ANTXR1: variants seen among roughly 807,000 people sequenced by gnomAD.
The protein encoded by ANTXR1 is ANTXR cell adhesion molecule 1, also known as anthrax toxin receptor 1.
Under a neutral mutation model 78.1 loss-of-function variants are expected in ANTXR1, and 19 were observed. The ratio of observed to expected loss-of-function variants is 0.24; its 90% confidence interval spans 0.17 to 0.36. The LOEUF (loss-of-function observed/expected upper bound fraction) is 0.36. ANTXR1 is among the 10% of genes least tolerant of loss of function. ANTXR1 has a pLI of 1.00. For synonymous variants in ANTXR1, 273 were observed against 260.5 expected (o/e 1.05, Z -0.46); for missense variants, 518 against 718.6 (o/e 0.72, Z 3.19).
intron 1 of ANTXR1, among the ~76,000 whole-genome samples, chr2:69,022,618 A>T (rs1256205013): frequency 6.6e-6 from 1 of 152,240 alleles, no homozygotes; most frequent in East Asian, 1.9e-4. Context: ...TTCTCAACCA[A>T]GGGCCAGATC....
At chr2:69,149,731 T>G (rs1215824676) in intron 12 of ANTXR1, among the ~76,000 whole-genome samples, 1 of 152,194 alleles carries the variant, frequency 6.6e-6, no homozygotes, top group African/African-American at 2.4e-5. Context: ...ATAGCTTACA[T>G]CATTTTATCC....
At chr2:69,162,314 T>TCTGCCTAAAG (rs1486746092) in intron 13 of ANTXR1, among the ~76,000 whole-genome samples, 3 of 152,204 alleles carry the variant, frequency 2.0e-5, no homozygotes, top group South Asian at 2.1e-4. Flanking sequence ...AATTGAGTCT[T>TCTGCCTAAAG]CTGCCTAAAG....
intron 2 of ANTXR1, among the ~76,000 whole-genome samples, chr2:69,042,367 C>G (rs1669638499): frequency 6.6e-6 from 1 of 152,198 alleles, no homozygotes. Flanking sequence ...AAGTTCCAAT[C>G]TACTCCTAAA....
At chr2:69,161,823 ACT>A (rs1429955796) in intron 13 of ANTXR1, among the ~76,000 whole-genome samples, 1 of 151,898 alleles carries the variant, frequency 6.6e-6, no homozygotes, top group East Asian at 1.9e-4. Context: ...TCTATACATA[ACT>A]CTGTTCTGGT....
intron 17 of ANTXR1, among the ~76,000 whole-genome samples, chr2:69,228,690 A>T (rs1675522484): frequency 6.6e-6 from 1 of 152,204 alleles, no homozygotes; most frequent in African/African-American, 2.4e-5. Context: ...ATTAGTATGA[A>T]ACTTTTCACT....
At chr2:69,136,215 G>C (rs1672906456) in intron 12 of ANTXR1, among the ~76,000 whole-genome samples, 1 of 152,142 alleles carries the variant, frequency 6.6e-6, no homozygotes, top group African/African-American at 2.4e-5. Context: ...GAATGAAACT[G>C]ATCAGTCACT....
At chr2:69,166,238 C>T (rs1228214330) in intron 13 of ANTXR1, among the ~76,000 whole-genome samples, 1 of 152,196 alleles carries the variant, frequency 6.6e-6, no homozygotes, top group Non-Finnish European at 1.5e-5. Context: ...TTTATCTATG[C>T]AATGATCGTC....
intron 1 of ANTXR1, among the ~76,000 whole-genome samples, chr2:69,025,271 G>C (rs895589364): frequency 1.1e-4 from 17 of 152,162 alleles, no homozygotes; most frequent in African/African-American, 3.9e-4. Context: ...ACTTTTCTAT[G>C]TTATTTCTTC....
At chr2:69,024,049 T>A (rs1207959608) in intron 1 of ANTXR1, among the ~76,000 whole-genome samples, 1 of 152,230 alleles carries the variant, frequency 6.6e-6, no homozygotes, top group Admixed American at 6.5e-5. Flanking sequence ...AATACATATC[T>A]ATCATCTATG....
intron 3 of ANTXR1, among the ~76,000 whole-genome samples, chr2:69,045,451 A>G (rs927462301): frequency 9.9e-5 from 15 of 152,246 alleles, no homozygotes; most frequent in Admixed American, 9.8e-4. Flanking sequence ...TAGAGAGTGG[A>G]GAGGATAGTC....
chr2:69,016,372 C>A (rs998944674), intron 1 of ANTXR1, among the ~76,000 whole-genome samples: 1 of 152,142 alleles, frequency 6.6e-6, no homozygotes, highest in Non-Finnish European at 1.5e-5. Flanking sequence ...TCCTTTCCAT[C>A]GAGCAATTTC....
intron 10 of ANTXR1, among the ~76,000 whole-genome samples, chr2:69,121,183 G>C (rs1203732378): frequency 3.3e-5 from 5 of 152,198 alleles, no homozygotes; most frequent in African/African-American, 9.7e-5. Flanking sequence ...GTAATTACTA[G>C]CATGTTGGCT....
intron 10 of ANTXR1, among the ~76,000 whole-genome samples, chr2:69,114,886 C>T (rs1215466325): frequency 2.6e-5 from 4 of 152,220 alleles, no homozygotes; most frequent in Non-Finnish European, 5.9e-5. Flanking sequence ...TACCCATCAC[C>T]TCTAAACTTT....
At chr2:69,125,361 G>A (rs568768335) in intron 12 of ANTXR1, among the ~76,000 whole-genome samples, 23 of 152,150 alleles carry the variant, frequency 1.5e-4, no homozygotes, top group Non-Finnish European at 3.1e-4. Context: ...GACCGCATTC[G>A]AGACTGACTG....
At chr2:69,080,018 G>A (rs10208540) in intron 8 of ANTXR1, among the ~76,000 whole-genome samples, 108,019 of 152,164 alleles carry the variant, frequency 0.71, 38,923 homozygotes, top group African/African-American at 0.82. Context: ...AAATTTTAGC[G>A]AAACTATCGT....
Position 69,133,531 on chromosome 2 carries a change from G to A in ANTXR1, c.951+8888G>A, listed in dbSNP as rs536785258. The stretch of plus-strand genomic sequence containing the variant: ...TTGGGCAACGGGAAGCCATTTGAGG[G>A]AAGCACAATGCATTATTTTAGGAGG... On this transcript the variant is annotated intron_variant, in intron 12 of 17. Transcript: ENST00000303714. Among the ~76,000 whole-genome samples, 18 of 152,310 alleles carry A rather than the reference G, an allele frequency of 1.2e-4. No individual in the cohort carries two copies. In the South Asian group the frequency reaches 3.3e-3, roughly 28 times the overall value.
chr2:69,182,597 G>A lies in ANTXR1; in HGVS notation c.1290G>A (p.Pro430=), dbSNP rs774182006. The change falls in exon 16 of 18, where the codon CCG becomes CCA. Residue 430 remains proline, a synonymous_variant. Coordinates refer to ENST00000303714, the MANE Select transcript of ANTXR1 (RefSeq NM_032208.3). ...AGCAGGAATATGAATTCCCTGAGCC[G>A]CGAAATCTCAACAACAATATGCGTC... The part of the protein sequence containing the change: ...MPEQEYEFPE[P]RNLNNNMRRP... 27 of 1,614,034 alleles carry A rather than the reference G, an allele frequency of 1.7e-5. No homozygotes were observed. The highest frequency in any genetic ancestry group is 1.6e-4 in the Middle Eastern group (1 of 6,084).
At chr2:69,138,586 G>C (rs576159701) in intron 12 of ANTXR1, among the ~76,000 whole-genome samples, 1 of 152,114 alleles carries the variant, frequency 6.6e-6, no homozygotes, top group East Asian at 1.9e-4. Flanking sequence ...TATACATTAA[G>C]GCACCAAGGA....
At chr2:69,204,021 G>T (rs1674836594) in intron 17 of ANTXR1, among the ~76,000 whole-genome samples, 1 of 152,090 alleles carries the variant, frequency 6.6e-6, no homozygotes, top group Non-Finnish European at 1.5e-5. Flanking sequence ...TAGCTCTAGG[G>T]TCAGAATTTT....
Sources: allele counts gnomAD v4.1 joint callset (sites outside exome capture counted in the v4.1 genomes callset), GRCh38; gene constraint gnomAD v4.1.1; transcripts MANE v1.5; gene names NCBI Gene and HGNC (gene_info 2026-07-23, HGNC 2026-07-21).